Variants in SCML2 observed in about 807,000 individuals in gnomAD.
SCML2 encodes Scm polycomb group protein like 2.
In SCML2, 6 loss-of-function variants were observed where a neutral mutation model predicts 48.4. That is an observed-to-expected ratio of 0.12 (90% CI 0.07 to 0.24). The LOEUF is 0.24. Among genes scored for constraint, SCML2 ranks in the 10% least tolerant of loss-of-function variants. The pLI is 1.00. For missense variants in SCML2, 377 were observed against 528.2 expected (o/e 0.71, Z 2.81); for synonymous variants, 181 against 189.5 (o/e 0.95, Z 0.37).
chrX:18,246,189 G>A (rs1926438815), intron 13 of SCML2, among the ~76,000 whole-genome samples: 1 of 112,500 alleles, frequency 8.9e-6, no homozygotes, highest in Non-Finnish European at 1.9e-5. Context: ...GTCAACACAG[G>A]CTGAGGCCAG....
intron 11 of SCML2, among the ~76,000 whole-genome samples, chrX:18,256,639 A>G (rs1044285002): frequency 8.9e-6 from 1 of 112,494 alleles, no homozygotes; most frequent in Non-Finnish European, 1.9e-5. Flanking sequence ...GAAGCCAAAC[A>G]TAAGTAAGCC....
intron 7 of SCML2, among the ~76,000 whole-genome samples, chrX:18,273,780 A>AC (rs1274890920): frequency 9.2e-6 from 1 of 108,707 alleles, no homozygotes; most frequent in East Asian, 2.9e-4. Context: ...GGCCCCCCTT[A>AC]CCCCCCATCC....
intron 6 of SCML2, among the ~76,000 whole-genome samples, chrX:18,317,833 C>CAAA (rs35128193): frequency 0.047 from 1,812 of 38,410 alleles, 108 homozygotes; most frequent in African/African-American, 0.16. Context: ...GACTCCGTCT[C>CAAA]AAAAAAAAAA....
Position 18,250,679 on chromosome X carries a change from G to A in SCML2, c.1457-2797C>T, listed in dbSNP as rs1215256937. Reference sequence around the variant, plus strand: ...ATTACAGGTGTGAGCCACTGTACCCGACCTAGACAAATACTTTAAATCAAC... The same window carrying A: ...ATTACAGGTGTGAGCCACTGTACCCAACCTAGACAAATACTTTAAATCAAC... On this transcript the variant is annotated intron_variant, in intron 11 of 14. Transcript: ENST00000251900. Among the ~76,000 whole-genome samples the A allele has an allele frequency of 6.3e-5, 7 of 110,317 alleles. 1 individual carries two copies. Among genetic ancestry groups the A allele is most frequent in the South Asian group, 7.8e-4 (2 of 2,559 alleles).
chrX:18,326,204 T>C (rs1247700819), intron 3 of SCML2, among the ~76,000 whole-genome samples: 1 of 112,448 alleles, frequency 8.9e-6, no homozygotes, highest in East Asian at 2.8e-4. Context: ...CATTTCTATA[T>C]GTATGTATAC....
chrX:18,245,006 T>C (rs1344712637), intron 13 of SCML2, among the ~76,000 whole-genome samples: 1 of 111,658 alleles, frequency 9.0e-6, no homozygotes, highest in East Asian at 2.8e-4. Flanking sequence ...AGTCAGAGTG[T>C]TTGAGCTCAA....
chrX:18,276,124 G>A (rs962913707), intron 7 of SCML2, among the ~76,000 whole-genome samples: 4 of 111,169 alleles, frequency 3.6e-5, no homozygotes, highest in Non-Finnish European at 3.8e-5. Context: ...CAGAAACCCC[G>A]TGTCTACTAA....
At chrX:18,349,792 G>A (rs370955777) in intron 1 of SCML2, among the ~76,000 whole-genome samples, 7 of 109,293 alleles carry the variant, frequency 6.4e-5, no homozygotes, top group African/African-American at 1.3e-4. Context: ...GCGAGACTCC[G>A]TCTCAAAAAA....
rs749758995 is a variant in SCML2 at position 18,347,723 on chromosome X, CAAAAAAAAAAAA to C, written c.-25+6857_-25+6868del. Among the ~76,000 whole-genome samples the C allele has an allele frequency of 6.7e-3, 146 of 21,920 alleles. 1 individual carries two copies. The East Asian group carries it at 0.13, about 19-fold the overall frequency. The allele number at this position is 21,920 out of a possible 115,157, so 19.0% of individuals were successfully genotyped here. On this transcript the variant is annotated intron_variant, in intron 1 of 14. Coordinates refer to ENST00000251900, the MANE Select transcript of SCML2 (RefSeq NM_006089.3). Reference sequence around the variant, plus strand: ...TGGGTGACAGAGCAAGACTCCGTCTCAAAAAAAAAAAAAAAAAAAAAAAAAAAAAGAACATTT... The same window carrying C: ...TGGGTGACAGAGCAAGACTCCGTCTCAAAAAAAAAAAAAAAAAGAACATTT...
chrX:18,260,734 A>G (rs888352273), intron 8 of SCML2, among the ~76,000 whole-genome samples: 1 of 110,107 alleles, frequency 9.1e-6, no homozygotes, highest in Admixed American at 9.5e-5. Context: ...GAAGTTGCTC[A>G]TCTAGTTAGT....
intron 6 of SCML2, among the ~76,000 whole-genome samples, chrX:18,308,361 G>C (rs1215663377): frequency 2.2e-5 from 2 of 92,204 alleles, no homozygotes; most frequent in African/African-American, 8.0e-5. Context: ...AGGACAGGGA[G>C]GGAGGGAGGG....
At chrX:18,326,826 T>C (rs753798343) in intron 3 of SCML2, among the ~76,000 whole-genome samples, 1 of 111,416 alleles carries the variant, frequency 9.0e-6, no homozygotes, top group Non-Finnish European at 1.9e-5. Flanking sequence ...GGAAAAGTAA[T>C]GTACATGGTA....
rs1321773494 is a variant in SCML2 at position 18,247,575 on chromosome X, T to C, written c.1570+194A>G. On this transcript the variant is annotated intron_variant, in intron 12 of 14. Coordinates refer to ENST00000251900, the MANE Select transcript of SCML2 (RefSeq NM_006089.3). ...AGGTTATTACAATTTTTTTTTAATC[T>C]ATGGAGAAATGACAGCCGTCCACTT... Among the ~76,000 whole-genome samples the C allele has an allele frequency of 1.3e-4, 14 of 111,599 alleles. No individual in the cohort carries two copies. The Admixed American group carries it at 1.3e-3, about 11-fold the overall frequency.
At chrX:18,257,242 T>TCAA (rs1032549911) in intron 10 of SCML2, among the ~76,000 whole-genome samples, 1 of 111,877 alleles carries the variant, frequency 8.9e-6, no homozygotes, top group Non-Finnish European at 1.9e-5. Context: ...TACTCTTAAG[T>TCAA]CAACAACAAC....
At chrX:18,349,309 G>T (rs1331588295) in intron 1 of SCML2, among the ~76,000 whole-genome samples, 1 of 112,120 alleles carries the variant, frequency 8.9e-6, no homozygotes, top group Non-Finnish European at 1.9e-5. Context: ...GTAATCAAAT[G>T]CTATCTTCAG....
At position 18,324,923 on chromosome X, in the gene SCML2, G is replaced by A; in HGVS notation, c.146C>T (p.Ser49Leu). Residue 49 changes from serine (S) to leucine (L), a missense_variant, in exon 4 of 15, where the codon TCA becomes TTA. This residue lies in a region of SCML2 where 61 missense variants were observed against 59.9 expected (regional missense o/e 1.02). Coordinates refer to ENST00000251900, the MANE Select transcript of SCML2 (RefSeq NM_006089.3). ...TTGGCATACCTGACGGAAGCACTCT[G>A]AAGGAGCACTTATAGACCCAGTCTC... Reference protein sequence around the residue: ...LKETGSISAPSECFRQSQIPP... With the variant: ...LKETGSISAPLECFRQSQIPP... 1 of 1,200,891 alleles carries A rather than the reference G, an allele frequency of 8.3e-7. No individual in the cohort carries two copies. Among genetic ancestry groups the A allele is most frequent in the Non-Finnish European group, 1.1e-6 (1 of 886,571 alleles).
At chrX:18,267,845 C>T in intron 7 of SCML2, among the ~76,000 whole-genome samples, 1 of 111,260 alleles carries the variant, frequency 9.0e-6, no homozygotes, top group South Asian at 3.9e-4. Context: ...ATCCACCTGC[C>T]TCAGCCTCCC....
chrX:18,307,939 C>A lies in SCML2; in HGVS notation c.487-2724G>T, dbSNP rs985922504. 3.9e-4 allele frequency among the ~76,000 whole-genome samples: 43 copies of A among 110,383 alleles called. 1 individual carries two copies. Among genetic ancestry groups the A allele is most frequent in the African/African-American group, 1.2e-3 (37 of 30,393 alleles). ...TGGAACCCCGTCTCTACTAAAAATA[C>A]AAAAATTAGCCAGGTGTGGTGGTGC... On this transcript the variant is annotated intron_variant, in intron 6 of 14. Coordinates refer to ENST00000251900, the MANE Select transcript of SCML2 (RefSeq NM_006089.3).
At chrX:18,245,443 A>G (rs1237937099) in intron 13 of SCML2, among the ~76,000 whole-genome samples, 1 of 112,258 alleles carries the variant, frequency 8.9e-6, no homozygotes, top group Non-Finnish European at 1.9e-5. Context: ...GTAAGCATCT[A>G]TTGTTAGACT....
Sources: gnomAD v4.1 joint callset for allele counts (sites outside exome capture counted in the v4.1 genomes callset) on GRCh38, gnomAD v4.1.1 for gene constraint, gnomAD v4.1.1 regional missense constraint, MANE v1.5 for transcripts, NCBI Gene and HGNC (gene_info 2026-07-23, HGNC 2026-07-21) for gene names.